The following TRIM4 variants were observed in gnomAD, a reference collection of about 807,000 sequenced individuals.
The protein encoded by TRIM4 is tripartite motif containing 4.
TRIM4 carries 29 observed loss-of-function variants against 33.7 expected under a neutral mutation model. The ratio of observed to expected loss-of-function variants is 0.86; its 90% CI spans 0.64 to 1.17. The LOEUF is 1.17. Among genes scored for constraint, TRIM4 ranks in the 50% most tolerant of loss-of-function variants. The pLI is 0.00. For missense variants in TRIM4, 554 were observed against 593.7 expected (o/e 0.93, Z 0.69); for synonymous variants, 224 against 233.0 (o/e 0.96, Z 0.35).
intron 1 of TRIM4, among the ~76,000 whole-genome samples, chr7:99,918,152 C>T (rs943519239): frequency 5.9e-5 from 9 of 152,222 alleles, no homozygotes; most frequent in African/African-American, 2.2e-4. Context: ...CAGACAGGCA[C>T]TGTCCAATAC....
chr7:99,894,989 A>C (rs1818984886), intron 5 of TRIM4, among the ~76,000 whole-genome samples: 1 of 152,152 alleles, frequency 6.6e-6, no homozygotes, highest in South Asian at 2.1e-4. Context: ...AGGTGTGTCA[A>C]TTTTACTGAA....
intron 5 of TRIM4, among the ~76,000 whole-genome samples, chr7:99,894,629 T>G (rs1818974440): frequency 6.7e-6 from 1 of 150,120 alleles, no homozygotes; most frequent in Non-Finnish European, 1.5e-5. Flanking sequence ...ATTGCACCAC[T>G]GCGCCCCAGC....
chr7:99,905,904 C>T (rs549697538), intron 3 of TRIM4, among the ~76,000 whole-genome samples: 5 of 151,852 alleles, frequency 3.3e-5, no homozygotes, highest in Admixed American at 1.3e-4. Context: ...CAGCACTTTG[C>T]GAAGCCAAGG....
At position 99,919,374 on chromosome 7, in the gene TRIM4, ACTC is replaced by A. The variant is rs1209010073; in HGVS notation, c.25_27del (p.Glu9del). 8.3e-6 allele frequency: 13 copies of A among 1,574,672 alleles called. No homozygotes were observed. The highest frequency in any genetic ancestry group is 1.1e-5 in the Non-Finnish European group (13 of 1,162,444). The stretch of plus-strand genomic sequence containing the variant: ...TAGTCCAGGCAGATGGGGCAGGTCA[ACTC>A]CTCCTGGATGTCCTCAGCTTCCATG... On this transcript the variant is annotated inframe_deletion, in exon 1 of 6. Transcript: ENST00000349062.
chr7:99,892,300 T>G lies in TRIM4; in HGVS notation c.1288A>C (p.Asn430His), dbSNP rs1449535847. ...VGVYLDRGTGNVSFYSAVDGV... is the reference protein window; with the variant it reads ...VGVYLDRGTGHVSFYSAVDGV... ...TCCACAGCGCTGTAGAAGGAGACAT[T>G]CCCAGTCCCACGATCCAGGTAAACC... The change falls in exon 6 of 6, where the codon AAT becomes CAT. Residue 430 changes from asparagine (N) to histidine (H), a missense_variant. Asn to His is a moderately conservative substitution (Grantham distance 68, BLOSUM62 1). Around this residue, in one of 3 missense-constraint regions of TRIM4, gnomAD observed 290 missense variants for 335.8 expected, o/e 0.86. Transcript: ENST00000349062. 1.1e-5 allele frequency: 17 copies of G among 1,613,856 alleles called. No individual in the cohort carries two copies. The highest frequency in any genetic ancestry group is 1.4e-5 in the Non-Finnish European group (16 of 1,179,986).
At chr7:99,907,612 C>T (rs1057157056) in intron 3 of TRIM4, among the ~76,000 whole-genome samples, 3 of 152,172 alleles carry the variant, frequency 2.0e-5, no homozygotes, top group African/African-American at 7.2e-5. Context: ...ATTGCTTAAG[C>T]ATGTTGTAAA....
chr7:99,911,926 C>A (rs1460019086), intron 1 of TRIM4, among the ~76,000 whole-genome samples: 1 of 152,074 alleles, frequency 6.6e-6, no homozygotes, highest in Non-Finnish European at 1.5e-5. Flanking sequence ...TGGCAAAAAC[C>A]GCAATTACAT....
chr7:99,907,509 T>C (rs1563086695), intron 3 of TRIM4, among the ~76,000 whole-genome samples: 2 of 152,250 alleles, frequency 1.3e-5, no homozygotes, highest in Non-Finnish European at 1.5e-5. Flanking sequence ...TCTTCGAGGT[T>C]TCAGATTCTA....
intron 5 of TRIM4, among the ~76,000 whole-genome samples, chr7:99,898,218 T>C (rs1442989768): frequency 6.6e-6 from 1 of 152,204 alleles, no homozygotes; most frequent in Non-Finnish European, 1.5e-5. Flanking sequence ...AGCAGGTTAG[T>C]GCTACCCCAG....
chr7:99,892,282 C>T lies in TRIM4; in HGVS notation c.1306G>A (p.Ala436Thr), dbSNP rs375065820. The stretch of plus-strand genomic sequence containing the variant: ...GTGTGCAGGTGCACTCCGTCCACAG[C>T]GCTGTAGAAGGAGACATTCCCAGTC... ...RGTGNVSFYS[A>T]VDGVHLHTFS... The change falls in exon 6 of 6, where the codon GCT becomes ACT. Residue 436 changes from alanine to threonine, a missense_variant. Physicochemically the swap from Ala to Thr is moderately conservative, Grantham distance 58. Around this residue, in one of 3 missense-constraint regions of TRIM4, gnomAD observed 290 missense variants for 335.8 expected, o/e 0.86. Transcript: ENST00000349062. The T allele has an allele frequency of 3.7e-5, 59 of 1,614,222 alleles. No individual in the cohort carries two copies. The highest frequency in any genetic ancestry group is 4.5e-5 in the Non-Finnish European group (53 of 1,180,050).
chr7:99,908,944 A>G, intron 2 of TRIM4, 132 bp from the exon 3 acceptor site: 1 of 729,686 alleles, frequency 1.4e-6, no homozygotes, highest in African/African-American at 1.8e-5. Context: ...CACCCCCACT[A>G]AAATTTCCAT....
At chr7:99,900,410 T>C (rs538007231) in intron 5 of TRIM4, among the ~76,000 whole-genome samples, 1 of 152,330 alleles carries the variant, frequency 6.6e-6, no homozygotes, top group African/African-American at 2.4e-5. Flanking sequence ...ACACCCAAAA[T>C]AATTTTTGAC....
intron 1 of TRIM4, chr7:99,916,645 C>T: frequency 1.3e-6 from 1 of 763,632 alleles, no homozygotes; most frequent in Non-Finnish European, 2.4e-6. Flanking sequence ...AGCTCATTAT[C>T]ACTCCATCCC....
chr7:99,911,141 T>C (rs1291516068), intron 1 of TRIM4, among the ~76,000 whole-genome samples: 1 of 152,262 alleles, frequency 6.6e-6, no homozygotes, highest in African/African-American at 2.4e-5. Flanking sequence ...AGATCTATGC[T>C]GCAGAAGCAG....
In TRIM4 at chr7:99,892,039, C is replaced by T. The variant is rs1818902046; in HGVS notation, c.*124G>A. The T allele has an allele frequency of 2.3e-6, 2 of 873,588 alleles. No individual in the cohort carries two copies. Among genetic ancestry groups the T allele is most frequent in the East Asian group, 2.7e-5 (1 of 37,650 alleles). The allele number at this position is 873,588 out of a possible 1,614,324, so 54.1% of individuals were successfully genotyped here. A position where few individuals can be genotyped will look rare whatever the true frequency, so the allele number is the denominator to read the frequency against. On this transcript the variant is annotated 3_prime_UTR_variant, in exon 6 of 6. Coordinates refer to ENST00000349062, the MANE Select transcript of TRIM4 (RefSeq NM_033091.3). The stretch of plus-strand genomic sequence containing the variant: ...CACAAAGGGCAGATACCAAACGGTA[C>T]CGTTAGGGAGACCCAGAAGATGGAC...
chr7:99,901,909 T>C (rs1460605447), intron 5 of TRIM4: 1 of 591,732 alleles, frequency 1.7e-6, no homozygotes, highest in Non-Finnish European at 3.0e-6. Context: ...TACTGCCCAG[T>C]ACTTTGCGAA....
At chr7:99,911,358 G>A (rs1819438457) in intron 1 of TRIM4, among the ~76,000 whole-genome samples, 1 of 152,194 alleles carries the variant, frequency 6.6e-6, no homozygotes, top group African/African-American at 2.4e-5. Context: ...GCCAAAGGAA[G>A]AGACCATTTA....
chr7:99,899,872 C>T (rs1819116709), intron 5 of TRIM4, among the ~76,000 whole-genome samples: 1 of 152,100 alleles, frequency 6.6e-6, no homozygotes. Flanking sequence ...CTCACTGCGG[C>T]CTCAACCTCC....
At chr7:99,904,788 T>C (rs1042378658) in intron 3 of TRIM4, among the ~76,000 whole-genome samples, 1 of 152,076 alleles carries the variant, frequency 6.6e-6, no homozygotes, top group Non-Finnish European at 1.5e-5. Context: ...TCCCAGCACT[T>C]TGGGAGGCTT....
Sources: allele counts gnomAD v4.1 joint callset (sites outside exome capture counted in the v4.1 genomes callset), GRCh38; gene constraint gnomAD v4.1.1; regional missense constraint gnomAD v4.1.1; transcripts MANE v1.5; gene names NCBI Gene and HGNC (gene_info 2026-07-23, HGNC 2026-07-21).